Variants in IL1RAPL1 observed in about 807,000 individuals in gnomAD.
The protein encoded by IL1RAPL1 is interleukin-1 receptor accessory protein-like 1.
Under a neutral mutation model 48.4 loss-of-function variants are expected in IL1RAPL1, and 3 were observed. The ratio of observed to expected loss-of-function variants is 0.06; its 90% CI spans 0.03 to 0.16. The LOEUF is 0.16. IL1RAPL1 is among the 10% of genes least tolerant of loss of function. IL1RAPL1 has a pLI of 1.00. For synonymous variants in IL1RAPL1, 185 were observed against 187.7 expected (o/e 0.99, Z 0.12); for missense variants, 349 against 530.6 (o/e 0.66, Z 3.36).
chrX:29,513,192 A>AAAGT (rs10685858), intron 5 of IL1RAPL1, among the ~76,000 whole-genome samples: 50,498 of 109,404 alleles, frequency 0.46, 8,629 homozygotes, highest in East Asian at 0.7. Context: ...AGAGGTGTGA[A>AAAGT]AAGAGGAAAA....
At chrX:28,669,760 TTA>T (rs1284767382) in intron 1 of IL1RAPL1, among the ~76,000 whole-genome samples, 9 of 104,242 alleles carry the variant, frequency 8.6e-5, no homozygotes, top group Non-Finnish European at 1.5e-4. Flanking sequence ...CATATATAAT[TTA>T]TATATATAAT....
intron 2 of IL1RAPL1, among the ~76,000 whole-genome samples, chrX:29,222,909 A>G (rs958080246): frequency 7.2e-5 from 8 of 111,495 alleles, no homozygotes; most frequent in African/African-American, 2.0e-4. Context: ...ATTGTCTCCT[A>G]TGGTTTCTGG....
chrX:29,315,454 T>C (rs1932766145), intron 3 of IL1RAPL1, among the ~76,000 whole-genome samples: 1 of 111,431 alleles, frequency 9.0e-6, no homozygotes, highest in South Asian at 3.8e-4. Flanking sequence ...TGCTCAAACC[T>C]TCCGAAGATT....
At chrX:29,894,852 G>A (rs981667066) in intron 6 of IL1RAPL1, among the ~76,000 whole-genome samples, 9 of 110,139 alleles carry the variant, frequency 8.2e-5, no homozygotes, top group East Asian at 5.7e-4. Flanking sequence ...TTTTTGAGAC[G>A]GAGTCTTGCT....
At chrX:29,419,701 T>G (rs1934268119) in intron 5 of IL1RAPL1, among the ~76,000 whole-genome samples, 2 of 112,742 alleles carry the variant, frequency 1.8e-5, no homozygotes, top group South Asian at 3.6e-4. Context: ...ACAGAGTATT[T>G]CAACAATGCT....
chrX:29,872,240 T>G (rs1931814276), intron 6 of IL1RAPL1, among the ~76,000 whole-genome samples: 1 of 111,489 alleles, frequency 9.0e-6, no homozygotes, highest in Non-Finnish European at 1.9e-5. Context: ...TGACATCAAT[T>G]TGGTGTATCC....
intron 3 of IL1RAPL1, among the ~76,000 whole-genome samples, chrX:29,316,452 A>G (rs964769856): frequency 8.9e-6 from 1 of 112,313 alleles, no homozygotes; most frequent in African/African-American, 3.2e-5. Flanking sequence ...TTTATTTGTG[A>G]TATTGAATTA....
At chrX:29,141,017 A>G (rs971141060) in intron 2 of IL1RAPL1, among the ~76,000 whole-genome samples, 2 of 110,886 alleles carry the variant, frequency 1.8e-5, no homozygotes, top group African/African-American at 3.3e-5. Flanking sequence ...TGCATTTACT[A>G]TATATCAAGT....
At chrX:29,096,164 C>A (rs1354118293) in intron 2 of IL1RAPL1, among the ~76,000 whole-genome samples, 1 of 111,222 alleles carries the variant, frequency 9.0e-6, no homozygotes, top group African/African-American at 3.3e-5. Flanking sequence ...CAGTGCAGCA[C>A]CCTACCAAAA....
intron 5 of IL1RAPL1, among the ~76,000 whole-genome samples, chrX:29,583,778 A>G (rs1351208777): frequency 9.4e-6 from 1 of 105,975 alleles, no homozygotes; most frequent in Admixed American, 1.0e-4. Flanking sequence ...CTAAGCCAAA[A>G]GAACAAAGCT....
chrX:29,515,943 C>T (rs908765624), intron 5 of IL1RAPL1, among the ~76,000 whole-genome samples: 8 of 111,647 alleles, frequency 7.2e-5, no homozygotes, highest in South Asian at 3.7e-4. Context: ...ACCTTGGCCT[C>T]GCAAAGTGCT....
Position 29,379,500 on chromosome X carries a change from G to A in IL1RAPL1, c.363-16758G>A, listed in dbSNP as rs147998502. ...CTCCTGGCTTTGCACCAGCTGAAGC[G>A]TTGTCTCTACCTACTCTCTGGGTAG... On this transcript the variant is annotated intron_variant, in intron 3 of 10. Coordinates refer to ENST00000378993, the MANE Select transcript of IL1RAPL1 (RefSeq NM_014271.4). 8.6e-3 allele frequency among the ~76,000 whole-genome samples: 956 copies of A among 111,793 alleles called. 35 individuals carry two copies. Among genetic ancestry groups the A allele is most frequent in the Admixed American group, 0.083 (870 of 10,522 alleles).
At position 28,704,803 on chromosome X, in the gene IL1RAPL1, C is replaced by T. The variant is rs186299409; in HGVS notation, c.-24-84517C>T. ...AAGTTGGCAGGTTTGAGTTCACACA[C>T]ACACACACACACACACACACACACA... On this transcript the variant is annotated intron_variant, in intron 1 of 10. Transcript: ENST00000378993. Among the ~76,000 whole-genome samples, 10 of 42,527 alleles carry T rather than the reference C, an allele frequency of 2.4e-4. No individual in the cohort carries two copies. In the East Asian group the frequency reaches 0.011, roughly 45 times the overall value. The allele number at this position is 42,527 out of a possible 115,157, so 36.9% of individuals were successfully genotyped here.
intron 5 of IL1RAPL1, among the ~76,000 whole-genome samples, chrX:29,435,317 A>G (rs1241896074): frequency 1.8e-5 from 2 of 111,136 alleles, no homozygotes; most frequent in African/African-American, 6.5e-5. Flanking sequence ...GGGTATATAC[A>G]TAGGTGTGAA....
At chrX:29,571,841 C>A (rs1043239020) in intron 5 of IL1RAPL1, among the ~76,000 whole-genome samples, 2 of 111,479 alleles carry the variant, frequency 1.8e-5, no homozygotes, top group Non-Finnish European at 3.8e-5. Context: ...ACGCTTTTCT[C>A]AGAATTGAGA....
intron 5 of IL1RAPL1, among the ~76,000 whole-genome samples, chrX:29,653,487 C>T (rs1008528253): frequency 3.6e-5 from 4 of 111,719 alleles, no homozygotes; most frequent in Admixed American, 9.5e-5. Flanking sequence ...TGGGTACGTA[C>T]TGATAGCAAA....
In IL1RAPL1 at chrX:29,904,808, T is replaced by C. The variant is rs1932574439; in HGVS notation, c.779-12656T>C. Reference sequence around the variant, plus strand: ...TTGGGTTGCTTCCAAGTCTTTGCTATTGTAAATAGTGCTGCAATACACATA... The same window carrying C: ...TTGGGTTGCTTCCAAGTCTTTGCTACTGTAAATAGTGCTGCAATACACATA... On this transcript the variant is annotated intron_variant, in intron 6 of 10. Transcript: ENST00000378993. Among the ~76,000 whole-genome samples, 3 of 112,196 alleles carry C rather than the reference T, an allele frequency of 2.7e-5. No homozygotes were observed. The Admixed American group carries it at 2.8e-4, about 11-fold the overall frequency.
chrX:29,727,886 G>T (rs1183521543), intron 6 of IL1RAPL1, among the ~76,000 whole-genome samples: 1 of 111,094 alleles, frequency 9.0e-6, no homozygotes, highest in Non-Finnish European at 1.9e-5. Context: ...GAAGTATGTG[G>T]TGACTACATT....
At chrX:29,488,338 T>C (rs1023533756) in intron 5 of IL1RAPL1, among the ~76,000 whole-genome samples, 1 of 111,730 alleles carries the variant, frequency 9.0e-6, no homozygotes, top group Non-Finnish European at 1.9e-5. Flanking sequence ...CTCGGGAGGC[T>C]GAGGCAGGAG....
Sources: allele counts gnomAD v4.1 joint callset (sites outside exome capture counted in the v4.1 genomes callset), GRCh38; gene constraint gnomAD v4.1.1; transcripts MANE v1.5; gene names NCBI Gene and HGNC (gene_info 2026-07-23, HGNC 2026-07-21).